IMMP2L: variants seen among roughly 807,000 people sequenced by gnomAD.
The protein encoded by IMMP2L is mitochondrial inner membrane protease subunit 2.
In IMMP2L, 18 loss-of-function variants were observed where a neutral mutation model predicts 19.3. That is an observed-to-expected ratio of 0.93 (90% CI 0.64 to 1.38). The LOEUF (loss-of-function observed/expected upper bound fraction) is 1.38, where lower values mean the gene tolerates loss of function less well. Among genes scored for constraint, IMMP2L ranks in the 40% most tolerant of loss-of-function variants. The pLI, the probability that IMMP2L is intolerant of heterozygous loss-of-function variation, is 0.00. For missense variants in IMMP2L, 233 were observed against 218.2 expected (o/e 1.07, Z -0.43); for synonymous variants, 76 against 73.0 (o/e 1.04, Z -0.21).
At position 110,918,746 on chromosome 7, in the gene IMMP2L, AC is replaced by A. The variant is rs144524352; in HGVS notation, c.306-32052del. Among the ~76,000 whole-genome samples, 686 of 152,042 alleles carry A rather than the reference AC, an allele frequency of 4.5e-3. 6 individuals are homozygous for A. Among genetic ancestry groups the A allele is most frequent in the African/African-American group, 0.016 (654 of 41,510 alleles). The stretch of plus-strand genomic sequence containing the variant: ...TGAGATTAAAGGCGTGAGCCACTGC[AC>A]CTGGCCCCAGAAATAGGATTTCATT... On this transcript the variant is annotated intron_variant, in intron 4 of 5. Transcript: ENST00000405709.
chr7:110,838,547 G>A (rs1008259246), intron 5 of IMMP2L, among the ~76,000 whole-genome samples: 1 of 151,996 alleles, frequency 6.6e-6, no homozygotes, highest in Admixed American at 6.6e-5. Context: ...TGGATTAATG[G>A]CATATCATAG....
chr7:111,270,022 T>A (rs1001120681), intron 3 of IMMP2L, among the ~76,000 whole-genome samples: 1 of 151,444 alleles, frequency 6.6e-6, no homozygotes, highest in Non-Finnish European at 1.5e-5. Context: ...CCTATTCCTA[T>A]TGTACCATCT....
At chr7:111,253,589 A>T (rs1341299307) in intron 3 of IMMP2L, among the ~76,000 whole-genome samples, 1 of 152,180 alleles carries the variant, frequency 6.6e-6, no homozygotes, top group Non-Finnish European at 1.5e-5. Flanking sequence ...ATGAAAAGTA[A>T]CACCAATGGT....
chr7:111,106,658 G>C (rs1369434235), intron 3 of IMMP2L, among the ~76,000 whole-genome samples: 1 of 147,900 alleles, frequency 6.8e-6, no homozygotes, highest in Non-Finnish European at 1.5e-5. Flanking sequence ...ATAATATTAA[G>C]ATAACAGGAA....
intron 4 of IMMP2L, among the ~76,000 whole-genome samples, chr7:110,890,552 T>C (rs1039039342): frequency 5.3e-5 from 8 of 152,184 alleles, no homozygotes; most frequent in African/African-American, 1.2e-4. Flanking sequence ...ATACTCCTAA[T>C]AGAATTTCTC....
At chr7:111,078,428 GC>G in intron 3 of IMMP2L, among the ~76,000 whole-genome samples, 1 of 152,118 alleles carries the variant, frequency 6.6e-6, no homozygotes, top group Non-Finnish European at 1.5e-5. Flanking sequence ...TGCATTATCT[GC>G]ATTATTCACA....
At chr7:111,268,569 C>CTCTTTTTTT (rs1818083564) in intron 3 of IMMP2L, among the ~76,000 whole-genome samples, 8 of 44,590 alleles carry the variant, frequency 1.8e-4, no homozygotes, top group African/African-American at 7.1e-4. Context: ...TCACATTTCT[C>CTCTTTTTTT]TTTTTTTTTT....
intron 2 of IMMP2L, among the ~76,000 whole-genome samples, chr7:111,490,270 C>A (rs1299367158): frequency 6.7e-6 from 1 of 148,598 alleles, no homozygotes; most frequent in Non-Finnish European, 1.5e-5. Flanking sequence ...CCAGCTAAGT[C>A]GGGTTTTTTT....
chr7:111,536,788 G>A (rs1847928080), intron 1 of IMMP2L, among the ~76,000 whole-genome samples: 1 of 151,924 alleles, frequency 6.6e-6, no homozygotes. Flanking sequence ...TATTATATCA[G>A]CATATCCAAC....
At chr7:111,499,741 G>C (rs1464233433) in intron 2 of IMMP2L, among the ~76,000 whole-genome samples, 5 of 152,116 alleles carry the variant, frequency 3.3e-5, no homozygotes, top group Non-Finnish European at 7.4e-5. Context: ...CTGTTCTCTG[G>C]AATGGTTCCC....
chr7:111,445,553 G>A (rs1838264674), intron 3 of IMMP2L, among the ~76,000 whole-genome samples: 1 of 152,156 alleles, frequency 6.6e-6, no homozygotes, highest in Non-Finnish European at 1.5e-5. Flanking sequence ...GACTAATGGA[G>A]AATTAGAATT....
chr7:110,785,044 C>A (rs1396845039), intron 5 of IMMP2L, among the ~76,000 whole-genome samples: 1 of 151,948 alleles, frequency 6.6e-6, no homozygotes, highest in Non-Finnish European at 1.5e-5. Context: ...ATTTTAACTT[C>A]TCATCAATAT....
chr7:111,350,408 T>G (rs112615298), intron 3 of IMMP2L, among the ~76,000 whole-genome samples: 8,035 of 151,800 alleles, frequency 0.053, 265 homozygotes, highest in South Asian at 0.08. Context: ...TAGTGTATAT[T>G]ATTATAAATT....
intron 3 of IMMP2L, among the ~76,000 whole-genome samples, chr7:111,035,479 A>T (rs1419203005): frequency 6.6e-6 from 1 of 152,202 alleles, no homozygotes; most frequent in Non-Finnish European, 1.5e-5. Context: ...ACCAAAGAAT[A>T]CTGCAATAAA....
At chr7:111,499,957 G>A (rs914722852) in intron 2 of IMMP2L, among the ~76,000 whole-genome samples, 5 of 152,168 alleles carry the variant, frequency 3.3e-5, no homozygotes, top group African/African-American at 1.2e-4. Context: ...GACAGCAGGT[G>A]CAGGACAGTG....
rs542548459 is a variant in IMMP2L, at chr7:111,020,277, G to A, written c.240-56712C>T. On this transcript the variant is annotated intron_variant, in intron 3 of 5. Transcript: ENST00000405709. ...CTTATGCCTGTAATCCCAGCTACTC[G>A]GGAGGCTGAGACAGAAGAATTGCTT... Among the ~76,000 whole-genome samples the A allele has an allele frequency of 1.8e-3, 268 of 151,996 alleles. 1 individual carries two copies. The highest frequency in any genetic ancestry group is 5.2e-3 in the African/African-American group (217 of 41,470).
At chr7:111,319,162 T>C (rs1302082317) in intron 3 of IMMP2L, among the ~76,000 whole-genome samples, 1 of 152,110 alleles carries the variant, frequency 6.6e-6, no homozygotes, top group African/African-American at 2.4e-5. Flanking sequence ...TGAGGAATCA[T>C]TTGTAATCTT....
chr7:110,850,770 T>C (rs1221154414), intron 5 of IMMP2L, among the ~76,000 whole-genome samples: 1 of 151,856 alleles, frequency 6.6e-6, no homozygotes, highest in Non-Finnish European at 1.5e-5. Context: ...GATATATTTT[T>C]ATGTGCTGTT....
At chr7:110,931,558 G>C (rs957679713) in intron 4 of IMMP2L, among the ~76,000 whole-genome samples, 1 of 152,106 alleles carries the variant, frequency 6.6e-6, no homozygotes, top group Non-Finnish European at 1.5e-5. Context: ...GTGTTCTTCA[G>C]AGCATATCCA....
Sources: allele counts gnomAD v4.1 joint callset (sites outside exome capture counted in the v4.1 genomes callset), GRCh38; gene constraint gnomAD v4.1.1; transcripts MANE v1.5; gene names NCBI Gene and HGNC (gene_info 2026-07-23, HGNC 2026-07-21).